The following CCDC85A variants were observed in gnomAD, a reference collection of about 807,000 sequenced individuals.
CCDC85A encodes the protein coiled-coil domain containing 85A.
In CCDC85A, 38 loss-of-function variants were observed where a neutral mutation model predicts 50.2. The ratio of observed to expected loss-of-function variants is 0.76; its 90% CI spans 0.58 to 0.99. The LOEUF (loss-of-function observed/expected upper bound fraction) is 0.99. CCDC85A is among the 50% of genes least tolerant of loss of function. CCDC85A has a pLI of 0.00. For synonymous variants in CCDC85A, 366 were observed against 301.4 expected (o/e 1.21, Z -2.22); for missense variants, 820 against 742.0 (o/e 1.11, Z -1.22).
intron 2 of CCDC85A, among the ~76,000 whole-genome samples, chr2:56,242,820 T>A (rs1244813029): frequency 1.3e-5 from 2 of 152,142 alleles, no homozygotes; most frequent in Non-Finnish European, 2.9e-5. Flanking sequence ...TGTGGGGTAT[T>A]TGTCAAGAAA....
At chr2:56,368,634 C>G in intron 3 of CCDC85A, among the ~76,000 whole-genome samples, 1 of 152,192 alleles carries the variant, frequency 6.6e-6, no homozygotes, top group Non-Finnish European at 1.5e-5. Flanking sequence ...GCTGATCAAT[C>G]TTCAGGCTTC....
chr2:56,231,447 GT>G (rs1668768451), intron 2 of CCDC85A, among the ~76,000 whole-genome samples: 1 of 152,172 alleles, frequency 6.6e-6, no homozygotes, highest in Non-Finnish European at 1.5e-5. Context: ...CTGAATCCAG[GT>G]AATTGCGTTT....
At chr2:56,273,661 A>AG (rs1670796390) in intron 2 of CCDC85A, among the ~76,000 whole-genome samples, 1 of 149,956 alleles carries the variant, frequency 6.7e-6, no homozygotes, top group African/African-American at 2.5e-5. Flanking sequence ...GAGTGAACCA[A>AG]GAAAAAAGGA....
At chr2:56,226,259 A>C (rs1225229251) in intron 2 of CCDC85A, among the ~76,000 whole-genome samples, 1 of 152,150 alleles carries the variant, frequency 6.6e-6, no homozygotes, top group Non-Finnish European at 1.5e-5. Context: ...AATATAATAA[A>C]CCTTGGAGCA....
At chr2:56,364,648 C>T (rs772075462) in intron 3 of CCDC85A, among the ~76,000 whole-genome samples, 1 of 152,080 alleles carries the variant, frequency 6.6e-6, no homozygotes, top group Non-Finnish European at 1.5e-5. Context: ...ATTACTTCCC[C>T]CGGTATTTTC....
intron 2 of CCDC85A, among the ~76,000 whole-genome samples, chr2:56,292,422 A>C (rs1356988450): frequency 2.0e-5 from 3 of 151,972 alleles, no homozygotes; most frequent in African/African-American, 7.3e-5. Flanking sequence ...AAGGATACAC[A>C]TTTTCTCCTA....
chr2:56,302,112 C>A (rs534526062), intron 2 of CCDC85A, among the ~76,000 whole-genome samples: 1 of 151,870 alleles, frequency 6.6e-6, no homozygotes. Flanking sequence ...AAAAATTACC[C>A]GGGCCTGGTG....
At chr2:56,344,711 C>T (rs1234810130) in intron 3 of CCDC85A, among the ~76,000 whole-genome samples, 1 of 151,882 alleles carries the variant, frequency 6.6e-6, no homozygotes, top group African/African-American at 2.4e-5. Context: ...TATGACTGTC[C>T]TAAGGCCCTT....
intron 2 of CCDC85A, among the ~76,000 whole-genome samples, chr2:56,324,395 A>C (rs1367271207): frequency 1.3e-5 from 2 of 152,008 alleles, no homozygotes; most frequent in Non-Finnish European, 1.5e-5. Flanking sequence ...CCCTATAGCT[A>C]TGTACTCCCT....
intron 2 of CCDC85A, among the ~76,000 whole-genome samples, chr2:56,247,310 AAAGTTTATTTT>A (rs1377619589): frequency 3.9e-5 from 6 of 152,222 alleles, no homozygotes; most frequent in Admixed American, 3.9e-4. Flanking sequence ...AGAGAAATTT[AAAGTTTATTTT>A]AATACTTATC....
chr2:56,227,482 C>A (rs1453490643), intron 2 of CCDC85A, among the ~76,000 whole-genome samples: 4 of 152,148 alleles, frequency 2.6e-5, no homozygotes, highest in Non-Finnish European at 5.9e-5. Flanking sequence ...TTATGTTTGT[C>A]TTTTAACAAG....
intron 2 of CCDC85A, among the ~76,000 whole-genome samples, chr2:56,229,753 A>G (rs1021641966): frequency 2.6e-5 from 4 of 152,192 alleles, no homozygotes; most frequent in Non-Finnish European, 4.4e-5. Context: ...TGAATGAATC[A>G]TGAAAAATGA....
intron 2 of CCDC85A, among the ~76,000 whole-genome samples, chr2:56,303,349 T>G (rs1244754782): frequency 6.6e-6 from 1 of 152,182 alleles, no homozygotes; most frequent in African/African-American, 2.4e-5. Context: ...TACTGGACGA[T>G]GAGAACCCAG....
intron 2 of CCDC85A, among the ~76,000 whole-genome samples, chr2:56,235,877 A>C (rs1159054117): frequency 6.6e-6 from 1 of 152,214 alleles, no homozygotes; most frequent in Non-Finnish European, 1.5e-5. Context: ...GACAAGACAG[A>C]TTCTCTTCTC....
At chr2:56,329,589 A>C in intron 2 of CCDC85A, among the ~76,000 whole-genome samples, 1 of 152,232 alleles carries the variant, frequency 6.6e-6, no homozygotes, top group East Asian at 1.9e-4. Context: ...AGATAATGCT[A>C]AGTAAAATGT....
At chr2:56,362,166 G>T (rs1408018386) in intron 3 of CCDC85A, among the ~76,000 whole-genome samples, 2 of 152,166 alleles carry the variant, frequency 1.3e-5, no homozygotes, top group African/African-American at 4.8e-5. Context: ...ATGGTACAGA[G>T]TGTCAACCCT....
chr2:56,221,723 A>G (rs1668335997), intron 2 of CCDC85A, among the ~76,000 whole-genome samples: 1 of 152,158 alleles, frequency 6.6e-6, no homozygotes, highest in Non-Finnish European at 1.5e-5. Flanking sequence ...TTGAAAACAG[A>G]ATCATAAAAA....
intron 2 of CCDC85A, among the ~76,000 whole-genome samples, chr2:56,298,198 C>G (rs905186169): frequency 1.6e-4 from 24 of 152,104 alleles, no homozygotes; most frequent in Non-Finnish European, 2.6e-4. Flanking sequence ...TAGAATAGCA[C>G]TGGTTGAGAA....
intron 2 of CCDC85A, among the ~76,000 whole-genome samples, chr2:56,259,440 C>T (rs1670129847): frequency 6.6e-6 from 1 of 152,152 alleles, no homozygotes; most frequent in South Asian, 2.1e-4. Context: ...TCAGGCCTCT[C>T]CAATCCCTGG....
Sources: allele counts gnomAD v4.1 joint callset (sites outside exome capture counted in the v4.1 genomes callset), GRCh38; gene constraint gnomAD v4.1.1; transcripts MANE v1.5; gene names NCBI Gene and HGNC (gene_info 2026-07-23, HGNC 2026-07-21).